The following MSRB2 variants were observed in gnomAD, a reference collection of about 807,000 sequenced individuals.
MSRB2 encodes the protein methionine-R-sulfoxide reductase B2, mitochondrial.
A neutral mutation model predicts 19.0 loss-of-function variants in MSRB2; 17 were observed. The ratio of observed to expected loss-of-function variants is 0.89; its 90% CI spans 0.61 to 1.34. The LOEUF (loss-of-function observed/expected upper bound fraction) is 1.34, where lower values mean the gene tolerates loss of function less well. Ranked by LOEUF, MSRB2 falls within the 40% of genes most tolerant of loss-of-function variation. The probability of loss-of-function intolerance (pLI) is 0.00; values close to 1 mark genes in which losing one functional copy is unlikely to be tolerated. For missense variants in MSRB2, 208 were observed against 237.6 expected (o/e 0.88, Z 0.82); for synonymous variants, 107 against 99.7 (o/e 1.07, Z -0.44).
At chr10:23,115,177 G>A (rs1840098394) in intron 3 of MSRB2, among the ~76,000 whole-genome samples, 1 of 152,126 alleles carries the variant, frequency 6.6e-6, no homozygotes, top group Admixed American at 6.5e-5. Flanking sequence ...TCCAGAATGT[G>A]TTGTCACACT....
intron 1 of MSRB2, among the ~76,000 whole-genome samples, chr10:23,097,965 C>T (rs2131620301): frequency 6.6e-6 from 1 of 152,066 alleles, no homozygotes; most frequent in Non-Finnish European, 1.5e-5. Flanking sequence ...TGCAATTTCT[C>T]ATATGCTTAG....
chr10:23,097,335 G>A (rs939371457), intron 1 of MSRB2, among the ~76,000 whole-genome samples: 1 of 152,200 alleles, frequency 6.6e-6, no homozygotes, highest in Non-Finnish European at 1.5e-5. Flanking sequence ...AAACACCGTG[G>A]ACTGGGTGGC....
At chr10:23,111,571 G>T (rs898088169) in intron 3 of MSRB2, among the ~76,000 whole-genome samples, 5 of 152,162 alleles carry the variant, frequency 3.3e-5, no homozygotes, top group Non-Finnish European at 4.4e-5. Context: ...CTGAAAAAGG[G>T]GGGGACTTCT....
intron 3 of MSRB2, among the ~76,000 whole-genome samples, chr10:23,110,602 C>T (rs1840040402): frequency 6.7e-6 from 1 of 148,752 alleles, no homozygotes; most frequent in Non-Finnish European, 1.5e-5. Flanking sequence ...CTCAGTGGGC[C>T]CCTTATGATA....
chr10:23,113,449 C>G (rs563539671), intron 3 of MSRB2, among the ~76,000 whole-genome samples: 44 of 144,612 alleles, frequency 3.0e-4, no homozygotes, highest in Non-Finnish European at 5.4e-4. Flanking sequence ...AATTTAGGAC[C>G]TAATTATTCT....
intron 1 of MSRB2, among the ~76,000 whole-genome samples, chr10:23,098,167 G>C (rs1839887356): frequency 6.6e-6 from 1 of 152,150 alleles, no homozygotes; most frequent in Non-Finnish European, 1.5e-5. Flanking sequence ...GATCAGAATG[G>C]GCTGGGGATT....
intron 1 of MSRB2, among the ~76,000 whole-genome samples, chr10:23,100,406 G>A (rs1839914915): frequency 6.6e-6 from 1 of 152,172 alleles, no homozygotes; most frequent in Admixed American, 6.5e-5. Context: ...CAAAAAAACA[G>A]ACAGGAAGAG....
chr10:23,116,519 A>T (rs1295818807), intron 3 of MSRB2, among the ~76,000 whole-genome samples: 2 of 152,248 alleles, frequency 1.3e-5, no homozygotes, highest in Non-Finnish European at 1.5e-5. Flanking sequence ...TAACATTTAA[A>T]TGTATTATAA....
intron 2 of MSRB2, among the ~76,000 whole-genome samples, chr10:23,105,279 C>T (rs1839974958): frequency 6.6e-6 from 1 of 151,678 alleles, no homozygotes; most frequent in Non-Finnish European, 1.5e-5. Flanking sequence ...AAATTTGTTA[C>T]ACATATATAA....
At chr10:23,114,111 A>G (rs568612009) in intron 3 of MSRB2, among the ~76,000 whole-genome samples, 8 of 152,282 alleles carry the variant, frequency 5.3e-5, no homozygotes, top group African/African-American at 1.9e-4. Context: ...GCACTTTGGG[A>G]GGCCAAGGCG....
At chr10:23,099,624 A>C (rs1839904925) in intron 1 of MSRB2, among the ~76,000 whole-genome samples, 1 of 152,160 alleles carries the variant, frequency 6.6e-6, no homozygotes, top group African/African-American at 2.4e-5. Flanking sequence ...GAGGCTGAGG[A>C]AGGAAAATCG....
intron 1 of MSRB2, among the ~76,000 whole-genome samples, chr10:23,101,447 T>C (rs560584194): frequency 2.0e-5 from 3 of 152,342 alleles, no homozygotes; most frequent in African/African-American, 4.8e-5. Context: ...ATTTTTGCAA[T>C]TGCAAATTGT....
rs1342221354 is a variant in MSRB2, at chr10:23,104,223, A to G, written c.198A>G (p.Thr66=). ...KKLTPEQFYV[T]REKGTEPPFS... is the part of the protein sequence containing the mutation. The stretch of plus-strand genomic sequence containing the variant: ...TAACCCCGGAGCAGTTCTACGTCAC[A>G]AGAGAAAAGGGAACGGAACCGGTAA... The change falls in exon 2 of 5, where the codon ACA becomes ACG. Residue 66 remains threonine (T), a synonymous_variant. Transcript: ENST00000376510. 2 of 1,613,534 alleles carry G rather than the reference A, an allele frequency of 1.2e-6. No individual in the cohort carries two copies. The highest frequency in any genetic ancestry group is 1.7e-6 in the Non-Finnish European group (2 of 1,179,812).
intron 2 of MSRB2, among the ~76,000 whole-genome samples, chr10:23,107,718 C>T (rs1486882578): frequency 1.3e-5 from 2 of 152,142 alleles, no homozygotes; most frequent in Non-Finnish European, 2.9e-5. Context: ...GGAGCAAATT[C>T]TTTGAGTGCA....
intron 2 of MSRB2, among the ~76,000 whole-genome samples, chr10:23,109,564 T>C: frequency 6.6e-6 from 1 of 151,812 alleles, no homozygotes. Flanking sequence ...AAATCAAGTT[T>C]GAGAAATAAC....
At chr10:23,096,630 T>C (rs1262468010) in intron 1 of MSRB2, among the ~76,000 whole-genome samples, 1 of 152,204 alleles carries the variant, frequency 6.6e-6, no homozygotes, top group African/African-American at 2.4e-5. Context: ...TTCTGAGCTC[T>C]TTTTAGCCCC....
chr10:23,096,345 T>TCC (rs1839866539), intron 1 of MSRB2, among the ~76,000 whole-genome samples: 1 of 122,224 alleles, frequency 8.2e-6, no homozygotes, highest in Admixed American at 8.7e-5. Context: ...TGTGTCTCTC[T>TCC]CTCTCTCTGT....
chr10:23,106,489 C>T (rs961608234), intron 2 of MSRB2, among the ~76,000 whole-genome samples: 11 of 152,216 alleles, frequency 7.2e-5, no homozygotes, highest in Admixed American at 2.0e-4. Flanking sequence ...ATCCACTCTC[C>T]GCGGGCTCCC....
At position 23,121,106 on chromosome 10, in the gene MSRB2, A is replaced by G. The variant is rs2131636683; in HGVS notation, c.*244A>G. 1 of 430,410 alleles carries G rather than the reference A, an allele frequency of 2.3e-6. No homozygotes were observed. 26.7% of individuals were successfully genotyped at this position (430,410 alleles called of 1,614,324 possible). A position where few individuals can be genotyped will look rare whatever the true frequency, so the allele number is the denominator to read the frequency against. On this transcript the variant is annotated 3_prime_UTR_variant, in exon 5 of 5. Coordinates refer to ENST00000376510, the MANE Select transcript of MSRB2 (RefSeq NM_012228.4). ...TGGGAGAATTTGAAAAAAAAAGAAA[A>G]ACTAGAAAAATAAACAAAATTAAAA...
Sources: allele counts gnomAD v4.1 joint callset (sites outside exome capture counted in the v4.1 genomes callset), GRCh38; gene constraint gnomAD v4.1.1; transcripts MANE v1.5; gene names NCBI Gene and HGNC (gene_info 2026-07-23, HGNC 2026-07-21).